IDH1: variants seen among roughly 807,000 people sequenced by gnomAD.
The protein encoded by IDH1 is isocitrate dehydrogenase [NADP] cytoplasmic.
A neutral mutation model predicts 46.1 loss-of-function variants in IDH1; 33 were observed. The ratio of observed to expected loss-of-function variants is 0.72; its 90% CI spans 0.54 to 0.96. The LOEUF is 0.96. Ranked by LOEUF, IDH1 falls within the 40% of genes least tolerant of loss-of-function variation. The pLI is 0.00. For missense variants in IDH1, 421 were observed against 515.7 expected, an observed-to-expected ratio of 0.82 and a Z score of 1.78; for synonymous variants, 144 against 172.8, an observed-to-expected ratio of 0.83 and a Z score of 1.31.
intron 3 of IDH1, among the ~76,000 whole-genome samples, chr2:208,249,322 G>A (rs183239802): frequency 4.7e-4 from 72 of 152,064 alleles, no homozygotes; most frequent in Non-Finnish European, 8.2e-4. Flanking sequence ...CCCCAGTAGC[G>A]GGGACTACAG....
Position 208,239,061 on chromosome 2 carries a change from T to C in IDH1, c.1154+10A>G. ...ATTTGACCATAGAAACTAGGGCATCTTATACTTACTTGGGTAAACCTTTAA... is the reference window on the plus strand; with the variant it reads ...ATTTGACCATAGAAACTAGGGCATCCTATACTTACTTGGGTAAACCTTTAA... On this transcript the variant is annotated intron_variant, in intron 9 of 9. Coordinates refer to ENST00000345146, the MANE Select transcript of IDH1 (RefSeq NM_005896.4). The C allele has an allele frequency of 6.2e-7, 1 of 1,613,194 alleles. No homozygotes were observed. The highest frequency in any genetic ancestry group is 8.5e-7 in the Non-Finnish European group (1 of 1,179,240).
chr2:208,242,289 A>C, intron 6 of IDH1, 144 bp from the exon 7 acceptor site: 2 of 774,120 alleles, frequency 2.6e-6, no homozygotes, highest in Non-Finnish European at 4.4e-6. Context: ...AATCTGACAG[A>C]CATTGGCTCA....
At chr2:208,253,187 A>G (rs573150379) in intron 2 of IDH1, among the ~76,000 whole-genome samples, 2 of 152,204 alleles carry the variant, frequency 1.3e-5, no homozygotes, top group East Asian at 3.8e-4. Flanking sequence ...GTGAAGACTG[A>G]TATCTTTTTA....
rs777025307 is a variant in IDH1, at chr2:208,239,060, C to T, written c.1154+11G>A. 3.1e-6 allele frequency: 5 copies of T among 1,613,092 alleles called. No individual in the cohort carries two copies. Among genetic ancestry groups the T allele is most frequent in the Non-Finnish European group, 4.2e-6 (5 of 1,179,178 alleles). Reference sequence around the variant, plus strand: ...AATTTGACCATAGAAACTAGGGCATCTTATACTTACTTGGGTAAACCTTTA... The same window carrying T: ...AATTTGACCATAGAAACTAGGGCATTTTATACTTACTTGGGTAAACCTTTA... On this transcript the variant is annotated intron_variant, in intron 9 of 9. Transcript: ENST00000345146.
At position 208,245,314 on chromosome 2, in the gene IDH1, C is replaced by T. The variant is rs982772833; in HGVS notation, c.520+5G>A. Reference sequence around the variant, plus strand: ...AAAAGAAGCTTATGCTACAGTCATACATACCTTCAAAGTTATGTACCAGGT... The same window carrying T: ...AAAAGAAGCTTATGCTACAGTCATATATACCTTCAAAGTTATGTACCAGGT... On this transcript the variant is annotated splice_donor_5th_base_variant and intron_variant, in intron 5 of 9. Transcript: ENST00000345146. The T allele has an allele frequency of 1.4e-6, 2 of 1,430,114 alleles. No individual in the cohort carries two copies. The highest frequency in any genetic ancestry group is 1.7e-5 in the Admixed American group (1 of 59,744). 88.6% of individuals were successfully genotyped at this position (1,430,114 alleles called of 1,614,324 possible).
intron 7 of IDH1, among the ~76,000 whole-genome samples, chr2:208,240,574 G>T (rs979219379): frequency 5.9e-5 from 9 of 152,148 alleles, no homozygotes; most frequent in Non-Finnish European, 4.4e-5. Context: ...GGAAGAGAAG[G>T]CAGGTAAACA....
At chr2:208,247,270 GA>G (rs1332370030) in intron 4 of IDH1, 3 of 152,146 alleles carry the variant, frequency 2.0e-5, no homozygotes, top group Non-Finnish European at 4.4e-5. Context: ...TACTTTCTGT[GA>G]AAGTCTGAAA....
intron 1 of IDH1, chr2:208,254,183 C>T (rs1274949158): frequency 6.6e-6 from 1 of 152,366 alleles, no homozygotes; most frequent in African/African-American, 2.4e-5. Context: ...CCCGCTTCGC[C>T]GCCCGTTAGC....
chr2:208,249,020 C>T (rs1391797000), intron 3 of IDH1, among the ~76,000 whole-genome samples: 1 of 152,102 alleles, frequency 6.6e-6, no homozygotes, highest in African/African-American at 2.4e-5. Flanking sequence ...GTCTAAGGAC[C>T]ACCTTTTTCC....
intron 3 of IDH1, among the ~76,000 whole-genome samples, chr2:208,249,981 A>C (rs1688092926): frequency 6.6e-6 from 1 of 152,232 alleles, no homozygotes; most frequent in African/African-American, 2.4e-5. Flanking sequence ...AGAAGATAAG[A>C]AAGGAAGGAA....
chr2:208,251,817 CA>C (rs1423077145), intron 2 of IDH1, among the ~76,000 whole-genome samples: 1 of 151,574 alleles, frequency 6.6e-6, no homozygotes. Flanking sequence ...CATAACAATC[CA>C]AAAAAATGGC....
chr2:208,253,053 T>C (rs573985103), intron 2 of IDH1, among the ~76,000 whole-genome samples: 2 of 152,378 alleles, frequency 1.3e-5, no homozygotes, highest in South Asian at 4.1e-4. Flanking sequence ...AGTGAACTTA[T>C]CTGGTTCCTG....
rs6725277 is a variant in IDH1, at chr2:208,245,662, T to C, written c.415-238A>G. Among the ~76,000 whole-genome samples the C allele has an allele frequency of 0.99, 149,170 of 151,036 alleles. 73,696 individuals carry two copies. Among genetic ancestry groups the C allele is most frequent in the Middle Eastern group, 1 (288 of 288 alleles). On this transcript the variant is annotated intron_variant, in intron 4 of 9. Transcript: ENST00000345146. ...ATAGGAAAGTTTTCTGAGCACTGAT[T>C]TGAAGAGGACAGAGAATAACATAAG...
In IDH1 at chr2:208,239,107, G is replaced by A. The variant is rs754957038; in HGVS notation, c.1118C>T (p.Thr373Ile). 3 of 1,613,956 alleles carry A rather than the reference G, an allele frequency of 1.9e-6. No homozygotes were observed. Among genetic ancestry groups the A allele is most frequent in the Admixed American group, 3.3e-5 (2 of 60,016 alleles). The change falls in exon 9 of 10, where the codon ACC (threonine) becomes ATC (isoleucine). Residue 373 changes from threonine (T) to isoleucine (I), a missense_variant. Coordinates refer to ENST00000345146, the MANE Select transcript of IDH1 (RefSeq NM_005896.4). Reference protein sequence around the residue: ...SIETIEAGFMTKDLAACIKGL... With the variant: ...SIETIEAGFMIKDLAACIKGL... ...TTTAATGCAAGCAGCCAAGTCCTTG[G>A]TCATGAAGCCAGCCTCAATTGTCTC... is the stretch of plus-strand genomic sequence containing the variant.
intron 4 of IDH1, among the ~76,000 whole-genome samples, chr2:208,246,906 GC>G (rs1688033174): frequency 6.6e-6 from 1 of 152,142 alleles, no homozygotes; most frequent in African/African-American, 2.4e-5. Flanking sequence ...TCACACCACT[GC>G]ACTCCAGCCT....
Position 208,245,437 on chromosome 2 carries a change from G to GA in IDH1, c.415-14dup. 6.9e-7 allele frequency: 1 copy of GA among 1,453,324 alleles called. No individual in the cohort carries two copies. The highest frequency in any genetic ancestry group is 1.4e-5 in the African/African-American group (1 of 71,188). The allele number at this position is 1,453,324 out of a possible 1,614,324, so 90.0% of individuals were successfully genotyped here. A position where few individuals can be genotyped will look rare whatever the true frequency, so the allele number is the denominator to read the frequency against. ...CAGTTGCTCTGTACTGTGTAGAGGG[G>GA]AAAAAGGTATAAAGAAAAAAAAAAT... On this transcript the variant is annotated splice_polypyrimidine_tract_variant and intron_variant, in intron 4 of 9. Coordinates refer to ENST00000345146, the MANE Select transcript of IDH1 (RefSeq NM_005896.4).
chr2:208,245,351 T>G lies in IDH1; in HGVS notation c.488A>C (p.Gln163Pro). Residue 163 changes from glutamine (Q) to proline (P), a missense_variant, in exon 5 of 10, where the codon CAA becomes CCA. Coordinates refer to ENST00000345146, the MANE Select transcript of IDH1 (RefSeq NM_005896.4). ...GTTATGTACCAGGTATGTCACCTTT[T>G]GGGTTCCGTCACTTGGTGTGTAGGT... Reference protein sequence around the residue: ...EITYTPSDGTQKVTYLVHNFE... With the variant: ...EITYTPSDGTPKVTYLVHNFE... 6.2e-7 allele frequency: 1 copy of G among 1,610,088 alleles called. No individual in the cohort carries two copies. Among genetic ancestry groups the G allele is most frequent in the Non-Finnish European group, 8.5e-7 (1 of 1,177,030 alleles).
intron 1 of IDH1, chr2:208,254,277 ATCGGTACCTCCT>A (rs1291172827): frequency 1.3e-5 from 2 of 152,744 alleles, no homozygotes; most frequent in Non-Finnish European, 2.9e-5. Flanking sequence ...TCAAGGCTGG[ATCGGTACCTCCT>A]TCCAGGTCTC....
intron 3 of IDH1, among the ~76,000 whole-genome samples, chr2:208,249,961 A>C (rs2124865946): frequency 6.6e-6 from 1 of 152,346 alleles, no homozygotes; most frequent in South Asian, 2.1e-4. Context: ...TTGTCTTCTT[A>C]ACATTTCTAA....
Sources: gnomAD v4.1 joint callset for allele counts (sites outside exome capture counted in the v4.1 genomes callset) on GRCh38, gnomAD v4.1.1 for gene constraint, MANE v1.5 for transcripts, NCBI Gene and HGNC (gene_info 2026-07-23, HGNC 2026-07-21) for gene names.